The following EVL variants were observed in gnomAD, a reference collection of about 807,000 sequenced individuals.
EVL encodes ena/VASP-like protein.
EVL carries 21 observed loss-of-function variants against 59.6 expected under a neutral mutation model. That is an observed-to-expected ratio of 0.35 (90% CI 0.25 to 0.51). The LOEUF (loss-of-function observed/expected upper bound fraction) is 0.51, where lower values mean the gene tolerates loss of function less well. Among genes scored for constraint, EVL ranks in the 20% least tolerant of loss-of-function variants. The pLI, the probability that EVL is intolerant of heterozygous loss-of-function variation, is 0.97. For synonymous variants in EVL, 198 were observed against 203.5 expected (o/e 0.97, Z 0.23); for missense variants, 462 against 546.6 (o/e 0.85, Z 1.54).
At chr14:100,141,129 T>C in intron 11 of EVL, 51 bp from the exon 12 acceptor site, 1 of 1,592,240 alleles carries the variant, frequency 6.3e-7, no homozygotes, top group Non-Finnish European at 8.6e-7. Flanking sequence ...CAGCCAGCTT[T>C]CCCCCACACC....
rs150486452 is a variant in EVL at position 100,058,273 on chromosome 14, G to A, written c.6-26414G>A. Among the ~76,000 whole-genome samples, 154 of 152,330 alleles carry A rather than the reference G, an allele frequency of 1.0e-3. No individual in the cohort carries two copies. The Middle Eastern group carries it at 0.01, about 10-fold the overall frequency. The stretch of plus-strand genomic sequence containing the variant: ...ACATCTTTTAATTCAAGTCAACACA[G>A]TTGTTGTTTATTGAGCATTTACTGT... On this transcript the variant is annotated intron_variant, in intron 1 of 13. Coordinates refer to the EVL transcript ENST00000402714.
rs1271608914 is a variant in EVL at position 99,972,977 on chromosome 14, GTTAT to G, written c.5+923_5+926del. ...TTTCGAGATCCATTCCGTTGTAATC[GTTAT>G]TTGTTCATTTTTATTGGTCTATAGT... On this transcript the variant is annotated intron_variant, in intron 1 of 13. Transcript: ENST00000402714. The surrounding 1 kb of genome is among the most constrained non-coding windows in gnomAD (Gnocchi z 4.4). 6.6e-6 allele frequency among the ~76,000 whole-genome samples: 1 copy of G among 152,100 alleles called. No individual in the cohort carries two copies. Among genetic ancestry groups the G allele is most frequent in the Non-Finnish European group, 1.5e-5 (1 of 68,022 alleles).
intron 2 of EVL, among the ~76,000 whole-genome samples, chr14:100,094,823 C>T (rs1472276765): frequency 1.3e-5 from 2 of 151,938 alleles, no homozygotes; most frequent in Non-Finnish European, 2.9e-5. Flanking sequence ...GGGCAGATCA[C>T]GAGGTCAGGA....
intron 1 of EVL, among the ~76,000 whole-genome samples, chr14:99,987,251 A>AC (rs760715146): frequency 2.6e-5 from 4 of 151,940 alleles, no homozygotes; most frequent in Non-Finnish European, 4.4e-5. Flanking sequence ...TTGAAATACT[A>AC]CCCCCCGCCA....
chr14:100,084,616 T>C, intron 1 of EVL, 71 bp from the exon 2 acceptor site: 1 of 1,540,292 alleles, frequency 6.5e-7, no homozygotes, highest in South Asian at 1.2e-5. Context: ...TGGCCTCTAT[T>C]TCAGAAAAGG....
chr14:100,111,960 C>T (rs757135590), intron 3 of EVL, among the ~76,000 whole-genome samples: 8 of 152,202 alleles, frequency 5.3e-5, no homozygotes, highest in East Asian at 1.9e-4. Flanking sequence ...AACTATAACC[C>T]GGCTTGGTCA....
intron 3 of EVL, among the ~76,000 whole-genome samples, chr14:100,111,726 T>C (rs1472415304): frequency 6.6e-6 from 1 of 152,182 alleles, no homozygotes. Flanking sequence ...GCCTGGATCT[T>C]GGCTCCCTGA....
chr14:99,992,522 A>C lies in EVL; in HGVS notation c.5+20465A>C, dbSNP rs536611633. Among the ~76,000 whole-genome samples, 32 of 152,314 alleles carry C rather than the reference A, an allele frequency of 2.1e-4. 1 individual carries two copies. In the South Asian group the frequency reaches 6.6e-3, roughly 32 times the overall value. ...CATCATTGTCAAATCAAATGTCTTG[A>C]AACTTTTCCGCCACGTTTTCTTTTA... On this transcript the variant is annotated intron_variant, in intron 1 of 13. Coordinates refer to the EVL transcript ENST00000402714.
At position 100,130,837 on chromosome 14, in the gene EVL, C is replaced by T. The variant is rs1486584909; in HGVS notation, c.839+1153C>T. On this transcript the variant is annotated intron_variant, in intron 7 of 13. Transcript: ENST00000392920. The surrounding 1 kb of genome is among the most constrained non-coding windows in gnomAD (Gnocchi z 4.8). ...TCCGCAGCACGGGCGTCTCCGGAGC[C>T]TCTACTGGGCCTGGGCGTTTGTACA... 6.6e-6 allele frequency among the ~76,000 whole-genome samples: 1 copy of T among 152,232 alleles called. No homozygotes were observed. Among genetic ancestry groups the T allele is most frequent in the African/African-American group, 2.4e-5 (1 of 41,446 alleles).
At chr14:100,017,268 G>T (rs149099703) in intron 1 of EVL, among the ~76,000 whole-genome samples, 1 of 152,126 alleles carries the variant, frequency 6.6e-6, no homozygotes, top group Non-Finnish European at 1.5e-5. Flanking sequence ...AAAGGTGCTG[G>T]TTATACCTGC....
At chr14:100,002,281 GT>G (rs2060950663) in intron 1 of EVL, among the ~76,000 whole-genome samples, 1 of 152,138 alleles carries the variant, frequency 6.6e-6, no homozygotes, top group Non-Finnish European at 1.5e-5. Context: ...AAGAGCACCT[GT>G]TAGAGTTTTA....
At chr14:100,142,656 C>T (rs1889258860) in intron 13 of EVL, among the ~76,000 whole-genome samples, 1 of 152,140 alleles carries the variant, frequency 6.6e-6, no homozygotes, top group Non-Finnish European at 1.5e-5. Flanking sequence ...AGACCCAGGC[C>T]TCCTCCCCCA....
chr14:100,124,630 C>T (rs1209169053), intron 4 of EVL, among the ~76,000 whole-genome samples: 1 of 152,196 alleles, frequency 6.6e-6, no homozygotes, highest in Non-Finnish European at 1.5e-5. Context: ...GCAGTCAAGT[C>T]TCACTCCAGC....
At chr14:100,041,817 C>T (rs2061471845) in intron 1 of EVL, among the ~76,000 whole-genome samples, 1 of 152,008 alleles carries the variant, frequency 6.6e-6, no homozygotes. Flanking sequence ...TATTTGTGTG[C>T]CAATAGTAAT....
rs148457773 is a variant in EVL at position 100,127,098 on chromosome 14, G to A, written c.487+327G>A. Among the ~76,000 whole-genome samples the A allele has an allele frequency of 3.1e-3, 465 of 152,324 alleles. 2 individuals are homozygous for A. Among genetic ancestry groups the A allele is most frequent in the Non-Finnish European group, 3.8e-3 (257 of 68,024 alleles). On this transcript the variant is annotated intron_variant, in intron 5 of 13. Coordinates refer to ENST00000392920, the MANE Select transcript of EVL (RefSeq NM_016337.3). The surrounding 1 kb of genome is among the most constrained non-coding windows in gnomAD (Gnocchi z 4.2). Reference sequence around the variant, plus strand: ...TGCAGTTCCTGCCCTCAGGAAGCCCGCTGTCCACTCAAGGAGACAGTGAAC... The same window carrying A: ...TGCAGTTCCTGCCCTCAGGAAGCCCACTGTCCACTCAAGGAGACAGTGAAC...
chr14:100,010,416 G>A (rs2061009329), intron 1 of EVL, among the ~76,000 whole-genome samples: 1 of 152,080 alleles, frequency 6.6e-6, no homozygotes, highest in South Asian at 2.1e-4. Flanking sequence ...TTGTTTGTTT[G>A]TTTTTTGAGA....
At chr14:100,082,938 C>T (rs2062344321) in intron 1 of EVL, among the ~76,000 whole-genome samples, 1 of 152,334 alleles carries the variant, frequency 6.6e-6, no homozygotes, top group Middle Eastern at 3.4e-3. Context: ...GGCCTCTGTG[C>T]ACCAGCTCTG....
intron 2 of EVL, among the ~76,000 whole-genome samples, chr14:100,086,861 G>T (rs1178964657): frequency 6.6e-6 from 1 of 152,172 alleles, no homozygotes; most frequent in East Asian, 1.9e-4. Context: ...CACATGGATG[G>T]GGCATGTTTA....
chr14:100,109,974 A>G lies in EVL; in HGVS notation c.358+12316A>G, dbSNP rs751163985. On this transcript the variant is annotated intron_variant, in intron 3 of 13. Transcript: ENST00000392920. The surrounding 1 kb of genome is among the most constrained non-coding windows in gnomAD (Gnocchi z 4.3). Reference sequence around the variant, plus strand: ...AATGGCTGAATCAGACTCACCTCACAGGGTTGTTGTGAGGGTACCATGAGA... The same window carrying G: ...AATGGCTGAATCAGACTCACCTCACGGGGTTGTTGTGAGGGTACCATGAGA... Among the ~76,000 whole-genome samples, 3 of 152,244 alleles carry G rather than the reference A, an allele frequency of 2.0e-5. No homozygotes were observed. The highest frequency in any genetic ancestry group is 7.2e-5 in the African/African-American group (3 of 41,456).
Sources: gnomAD v4.1 joint callset for allele counts (sites outside exome capture counted in the v4.1 genomes callset) on GRCh38, gnomAD v4.1.1 for gene constraint, Gnocchi (gnomAD v3.1) non-coding constraint, MANE v1.5 for transcripts, NCBI Gene and HGNC (gene_info 2026-07-23, HGNC 2026-07-21) for gene names.